SH3TC2: variants seen among roughly 807,000 people sequenced by gnomAD.
SH3TC2 encodes SH3 domain and tetratricopeptide repeats 2.
In SH3TC2, 87 loss-of-function variants were observed where a neutral mutation model predicts 124.5. The observed-to-expected ratio is 0.70, with a 90% confidence interval of 0.59 to 0.84. The LOEUF (loss-of-function observed/expected upper bound fraction) is 0.84. SH3TC2 is among the 40% of genes least tolerant of loss of function. The pLI is 0.00. For synonymous variants in SH3TC2, 634 were observed against 628.5 expected (o/e 1.01, Z -0.13); for missense variants, 1,536 against 1,566.4 (o/e 0.98, Z 0.33).
At position 148,986,537 on chromosome 5, in the gene SH3TC2, G is replaced by A. The variant is rs562519534; in HGVS notation, c.*18174C>T. On this transcript the variant is annotated 3_prime_UTR_variant, in exon 17 of 17. Transcript: ENST00000515425. ...TTGTGAGTTAAGATCTGCCAGGGTA[G>A]CAACCTCCATCAACTACATTGCTTA... Among the ~76,000 whole-genome samples, 1 of 152,316 alleles carries A rather than the reference G, an allele frequency of 6.6e-6. No individual in the cohort carries two copies. The highest frequency in any genetic ancestry group is 6.5e-5 in the Admixed American group (1 of 15,300).
At chr5:149,048,120 A>C in intron 2 of SH3TC2, 131 bp from the exon 3 acceptor site, 1 of 1,318,178 alleles carries the variant, frequency 7.6e-7, no homozygotes, top group Non-Finnish European at 1.1e-6. Flanking sequence ...GTTACAGATT[A>C]GAGTGGTCTT....
In SH3TC2 at chr5:149,044,569, C is replaced by T. The variant is rs200295162; in HGVS notation, c.349G>A (p.Glu117Lys). 1.2e-6 allele frequency: 2 copies of T among 1,614,022 alleles called. No individual in the cohort carries two copies. The highest frequency in any genetic ancestry group is 1.7e-6 in the Non-Finnish European group (2 of 1,179,956). Residue 117 changes from glutamate (E) to lysine (K), a missense_variant, in exon 4 of 17, where the codon GAG becomes AAG. Around this residue, in one of 3 missense-constraint regions of SH3TC2, gnomAD observed 1,102 missense variants for 1,098.6 expected, o/e 1.00. Transcript: ENST00000515425. ...TAGGTGGAGAACTTCCAGATTTCCT[C>T]CATGGTCTTGAAGGTGATGAGAAAC... ...AQFLITFKTM[E>K]EIWKFSTYLN... is the part of the protein sequence containing the mutation.
chr5:149,047,911 C>T lies in SH3TC2; in HGVS notation c.230G>A (p.Arg77Gln), dbSNP rs756666549. The T allele has an allele frequency of 1.9e-5, 31 of 1,614,022 alleles. No homozygotes were observed. The highest frequency in any genetic ancestry group is 2.3e-5 in the Non-Finnish European group (27 of 1,180,018). ...GTCCTCATTCTCCAGTGCCCAGAGC[C>T]GCCTCCGAGCAGCTTCCTGTAGGGG... ...NGPLQEAARR[R>Q]LWALENEDQE... The change falls in exon 3 of 17, where the codon CGG (arginine) becomes CAG (glutamine). Residue 77 changes from arginine (R) to glutamine (Q), a missense_variant. Arg to Gln is a conservative substitution (Grantham distance 43). Around this residue, in one of 3 missense-constraint regions of SH3TC2, gnomAD observed 1,102 missense variants for 1,098.6 expected, o/e 1.00. Coordinates refer to ENST00000515425, the MANE Select transcript of SH3TC2 (RefSeq NM_024577.4).
chr5:148,991,574 C>T lies in SH3TC2; in HGVS notation c.*13137G>A, dbSNP rs1467404212. On this transcript the variant is annotated 3_prime_UTR_variant, in exon 17 of 17. Coordinates refer to ENST00000515425, the MANE Select transcript of SH3TC2 (RefSeq NM_024577.4). Reference sequence around the variant, plus strand: ...AGGGTTTCCCCCAGGAGCTCCAGTTCTTTTAGTGGTAGTAACATCAAGTAG... The same window carrying T: ...AGGGTTTCCCCCAGGAGCTCCAGTTTTTTTAGTGGTAGTAACATCAAGTAG... Among the ~76,000 whole-genome samples, 1 of 152,160 alleles carries T rather than the reference C, an allele frequency of 6.6e-6. No individual in the cohort carries two copies. The highest frequency in any genetic ancestry group is 2.4e-5 in the African/African-American group (1 of 41,450).
At chr5:149,012,121 A>G (rs1304472126) in intron 13 of SH3TC2, among the ~76,000 whole-genome samples, 1 of 152,190 alleles carries the variant, frequency 6.6e-6, no homozygotes, top group Non-Finnish European at 1.5e-5. Context: ...TTCAAAGCCC[A>G]GGCTTTTAAC....
At chr5:149,033,233 C>T (rs947507308) in intron 8 of SH3TC2, among the ~76,000 whole-genome samples, 3 of 148,842 alleles carry the variant, frequency 2.0e-5, no homozygotes, top group African/African-American at 7.8e-5. Context: ...GGACAACTTA[C>T]GAGAATTTAG....
Position 148,988,809 on chromosome 5 carries a change from G to A in SH3TC2, c.*15902C>T, listed in dbSNP as rs1342481567. On this transcript the variant is annotated 3_prime_UTR_variant, in exon 17 of 17. Transcript: ENST00000515425. ...AAGCTGTTTTAAATCAGAAACTTTT[G>A]GGGTGGTTTGTTATGTCACTTGTTC... Among the ~76,000 whole-genome samples, 1 of 152,164 alleles carries A rather than the reference G, an allele frequency of 6.6e-6. No homozygotes were observed. The highest frequency in any genetic ancestry group is 2.4e-5 in the African/African-American group (1 of 41,438).
chr5:149,061,423 G>A (rs1754745316), intron 1 of SH3TC2, among the ~76,000 whole-genome samples: 1 of 152,150 alleles, frequency 6.6e-6, no homozygotes, highest in Admixed American at 6.5e-5. Context: ...GGCCCAGGGA[G>A]AGCGCGAGTT....
At chr5:149,033,521 G>T (rs1029640125) in intron 8 of SH3TC2, among the ~76,000 whole-genome samples, 1 of 152,182 alleles carries the variant, frequency 6.6e-6, no homozygotes, top group East Asian at 1.9e-4. Flanking sequence ...GCTCCTGGTG[G>T]TTTCAGCTGG....
At chr5:149,033,247 T>C (rs1367271578) in intron 8 of SH3TC2, among the ~76,000 whole-genome samples, 1 of 152,020 alleles carries the variant, frequency 6.6e-6, no homozygotes, top group Non-Finnish European at 1.5e-5. Context: ...AATTTAGAAT[T>C]TAGGGAAAGG....
At chr5:149,025,086 G>T (rs1205511028) in intron 12 of SH3TC2, among the ~76,000 whole-genome samples, 1 of 152,150 alleles carries the variant, frequency 6.6e-6, no homozygotes, top group East Asian at 1.9e-4. Flanking sequence ...ATATGACTAT[G>T]TCATCTCAAT....
At position 149,031,049 on chromosome 5, in the gene SH3TC2, T is replaced by C. The variant is rs544758550; in HGVS notation, c.1135+505A>G. Among the ~76,000 whole-genome samples, 88 of 152,366 alleles carry C rather than the reference T, an allele frequency of 5.8e-4. 4 individuals carry two copies. In the South Asian group the frequency reaches 0.018, roughly 30 times the overall value. ...ACACACCCAACAACTCAAAGTCATT[T>C]TGTGTCAGGGGCAGTGTGGTAAAGT... On this transcript the variant is annotated intron_variant, in intron 9 of 16. Transcript: ENST00000515425.
chr5:149,017,408 G>A (rs867921328), intron 12 of SH3TC2, among the ~76,000 whole-genome samples: 11 of 152,048 alleles, frequency 7.2e-5, no homozygotes, highest in African/African-American at 2.7e-4. Flanking sequence ...TTGTCCCCTG[G>A]AAGGCAGAGA....
intron 16 of SH3TC2, 59 bp from the exon 17 acceptor site, chr5:149,004,961 G>A (rs1417031863): frequency 1.9e-6 from 3 of 1,585,534 alleles, no homozygotes; most frequent in South Asian, 1.1e-5. Flanking sequence ...TCCAGGACAG[G>A]CTAGGAGGCT....
In SH3TC2 at chr5:148,990,733, G is replaced by A. The variant is rs191183936; in HGVS notation, c.*13978C>T. The stretch of plus-strand genomic sequence containing the variant: ...ATCCAATGCTTTATACACCATAAAT[G>A]CTCAGTAAACATTAGCTGTGTTATT... On this transcript the variant is annotated 3_prime_UTR_variant, in exon 17 of 17. Coordinates refer to ENST00000515425, the MANE Select transcript of SH3TC2 (RefSeq NM_024577.4). 4.6e-5 allele frequency among the ~76,000 whole-genome samples: 7 copies of A among 152,238 alleles called. No homozygotes were observed.
Position 149,007,021 on chromosome 5 carries a change from G to A in SH3TC2, c.3535C>T (p.Leu1179=), listed in dbSNP as rs1031965152. 2 of 1,614,220 alleles carry A rather than the reference G, an allele frequency of 1.2e-6. No individual in the cohort carries two copies. The highest frequency in any genetic ancestry group is 1.7e-5 in the Admixed American group (1 of 60,020). ...TCCTCAGCCATCTCATACATGTGCA[G>A]GGAGTAGTACACTGTAGCCAGGCGG... is the stretch of plus-strand genomic sequence containing the variant. The part of the protein sequence containing the change: ...FHRLATVYYS[L]HMYEMAEDCY... The change falls in exon 16 of 17, where the codon CTG becomes TTG. Residue 1179 remains leucine (L), a synonymous_variant. Coordinates refer to ENST00000515425, the MANE Select transcript of SH3TC2 (RefSeq NM_024577.4).
intron 2 of SH3TC2, among the ~76,000 whole-genome samples, chr5:149,050,479 G>T (rs1260808726): frequency 6.6e-6 from 1 of 152,176 alleles, no homozygotes; most frequent in Non-Finnish European, 1.5e-5. Context: ...CCCGAGGTCA[G>T]TTCAGTTTCA....
rs1386707212 is a variant in SH3TC2, at chr5:148,998,293, G to A, written c.*6418C>T. 6.6e-6 allele frequency among the ~76,000 whole-genome samples: 1 copy of A among 152,170 alleles called. No individual in the cohort carries two copies. The highest frequency in any genetic ancestry group is 1.5e-5 in the Non-Finnish European group (1 of 68,038). On this transcript the variant is annotated 3_prime_UTR_variant, in exon 17 of 17. Transcript: ENST00000515425. ...GATTTGACAGCCACTACCCTAGTCT[G>A]ATTCAGAACTATTAATATTAAATAC...
chr5:149,062,025 A>T (rs1580923647), intron 1 of SH3TC2, among the ~76,000 whole-genome samples: 1 of 152,154 alleles, frequency 6.6e-6, no homozygotes. Flanking sequence ...TACAAGCCCA[A>T]GTCATAAGAC....
Sources: allele counts gnomAD v4.1 joint callset (sites outside exome capture counted in the v4.1 genomes callset), GRCh38; gene constraint gnomAD v4.1.1; regional missense constraint gnomAD v4.1.1; transcripts MANE v1.5; gene names NCBI Gene and HGNC (gene_info 2026-07-23, HGNC 2026-07-21).